BMX: variants seen among roughly 807,000 people sequenced by gnomAD.
BMX encodes the protein BMX non-receptor tyrosine kinase.
A neutral mutation model predicts 59.2 loss-of-function variants in BMX; 31 were observed. The ratio of observed to expected loss-of-function variants is 0.52; its 90% confidence interval spans 0.39 to 0.71. The LOEUF (loss-of-function observed/expected upper bound fraction) is 0.71. Ranked by LOEUF, BMX falls within the 30% of genes least tolerant of loss-of-function variation. BMX has a pLI of 0.00. For missense variants in BMX, 474 were observed against 491.7 expected (o/e 0.96, Z 0.34); for synonymous variants, 185 against 181.0 (o/e 1.02, Z -0.18).
Position 15,509,411 on chromosome X carries a change from T to C in BMX, c.221T>C (p.Val74Ala), listed in dbSNP as rs778275008. ...GTAAATCTCGAGGAGCAGACGCCTG[T>C]AGAGAGACAGTACCCATTTCAGGTA... ...EKVNLEEQTP[V>A]ERQYPFQIVY... The change falls in exon 3 of 19, where the codon GTA becomes GCA. Residue 74 changes from valine (V) to alanine (A), a missense_variant. By Grantham distance (64) the Val-to-Ala change is moderately conservative. Coordinates refer to ENST00000348343, the MANE Select transcript of BMX (RefSeq NM_203281.3). The C allele has an allele frequency of 1.7e-6, 2 of 1,202,689 alleles. No homozygotes were observed. The highest frequency in any genetic ancestry group is 1.1e-6 in the Non-Finnish European group (1 of 889,233).
chrX:15,536,205 A>G (rs1375007666), intron 12 of BMX, 148 bp from the exon 13 acceptor site: 3 of 489,500 alleles, frequency 6.1e-6, no homozygotes, highest in Non-Finnish European at 9.9e-6. Flanking sequence ...CACAACTACA[A>G]CTGAATGGAT....
At chrX:15,546,558 T>G (rs1925953886) in intron 16 of BMX, among the ~76,000 whole-genome samples, 1 of 112,354 alleles carries the variant, frequency 8.9e-6, no homozygotes, top group South Asian at 3.6e-4. Flanking sequence ...AATTTTATCT[T>G]TACTTTTTTG....
intron 16 of BMX, among the ~76,000 whole-genome samples, chrX:15,545,562 A>G (rs1239591440): frequency 9.0e-6 from 1 of 111,502 alleles, no homozygotes; most frequent in Non-Finnish European, 1.9e-5. Context: ...AAGGTCATAT[A>G]CCAGTTAAAC....
intron 6 of BMX, among the ~76,000 whole-genome samples, chrX:15,519,473 G>C (rs1292143963): frequency 9.0e-6 from 1 of 111,302 alleles, no homozygotes. Flanking sequence ...CGAAAGATGA[G>C]AGTGGGCCAT....
chrX:15,510,576 G>A (rs1251423878), intron 3 of BMX, among the ~76,000 whole-genome samples: 1 of 111,370 alleles, frequency 9.0e-6, no homozygotes, highest in East Asian at 2.8e-4. Flanking sequence ...GCATGCTCAT[G>A]GAAGATGCTG....
At chrX:15,539,771 A>G (rs1925563009) in intron 14 of BMX, among the ~76,000 whole-genome samples, 1 of 112,411 alleles carries the variant, frequency 8.9e-6, no homozygotes, top group African/African-American at 3.2e-5. Flanking sequence ...AGCTTGTAAA[A>G]ACTGAGTGTC....
chrX:15,534,491 C>T (rs908743179), intron 12 of BMX, 152 bp downstream of exon 12: 1 of 452,529 alleles, frequency 2.2e-6, no homozygotes, highest in Non-Finnish European at 3.3e-6. Flanking sequence ...TAATTTTTAG[C>T]TTACATTCCC....
rs770835025 is a variant in BMX at position 15,529,939 on chromosome X, T to C, written c.885-34T>C. The C allele has an allele frequency of 3.4e-6, 4 of 1,167,969 alleles. No homozygotes were observed. In the East Asian group the frequency reaches 1.2e-4, roughly 35 times the overall value. On this transcript the variant is annotated intron_variant, in intron 9 of 18. Transcript: ENST00000348343. The stretch of plus-strand genomic sequence containing the variant: ...GTCAAGCTATACAATCTAAAACTTA[T>C]TGATTCTCACATATAATTTTTTTCC...
rs1396292086 is a variant in BMX at position 15,556,186 on chromosome X, G to A, written c.*39G>A. 9.0e-7 allele frequency: 1 copy of A among 1,111,066 alleles called. No individual in the cohort carries two copies. 91.6% of individuals were successfully genotyped at this position (1,111,066 alleles called of 1,213,427 possible). ...AGTGCTGATAAGAATGAATATAGAT[G>A]CTGGCCAGCATTTTCATTCATTTTA... On this transcript the variant is annotated 3_prime_UTR_variant, in exon 19 of 19. Transcript: ENST00000348343.
chrX:15,548,269 C>T (rs1040794473), intron 17 of BMX, among the ~76,000 whole-genome samples: 2 of 110,299 alleles, frequency 1.8e-5, no homozygotes, highest in African/African-American at 6.6e-5. Flanking sequence ...CCAGCCCAGC[C>T]AACATGGCAA....
intron 1 of BMX, among the ~76,000 whole-genome samples, chrX:15,501,402 C>T (rs1014730630): frequency 1.8e-5 from 2 of 112,378 alleles, no homozygotes; most frequent in African/African-American, 3.2e-5. Context: ...AATATTTGCT[C>T]TTAGGTTCCT....
At chrX:15,507,971 G>T (rs1047973495) in intron 1 of BMX, among the ~76,000 whole-genome samples, 18 of 111,730 alleles carry the variant, frequency 1.6e-4, no homozygotes, top group Middle Eastern at 4.6e-3. Context: ...GCTGTCTGGA[G>T]TTAAATTTTC....
chrX:15,555,586 GCA>G (rs1209585308), intron 18 of BMX, among the ~76,000 whole-genome samples: 1 of 111,152 alleles, frequency 9.0e-6, no homozygotes, highest in Non-Finnish European at 1.9e-5. Flanking sequence ...TTTTAGAGGG[GCA>G]CACTTTTTTA....
At chrX:15,532,029 C>T (rs1002923121) in intron 11 of BMX, among the ~76,000 whole-genome samples, 5 of 112,154 alleles carry the variant, frequency 4.5e-5, no homozygotes, top group Admixed American at 9.4e-5. Context: ...CTCTGTGCCT[C>T]AACTTCTTCA....
intron 4 of BMX, 95 bp downstream of exon 4, chrX:15,511,613 T>A: frequency 1.5e-6 from 1 of 667,988 alleles, no homozygotes; most frequent in African/African-American, 2.2e-5. Context: ...GACATGGCAG[T>A]AAAAAGACTC....
In BMX at chrX:15,541,645, T is replaced by C. The variant is rs189529316; in HGVS notation, c.1395-337T>C. On this transcript the variant is annotated intron_variant, in intron 14 of 18. Coordinates refer to ENST00000348343, the MANE Select transcript of BMX (RefSeq NM_203281.3). ...GGTGTGGCTTCCTCTAAATAAGTCA[T>C]GGACGTTCCCAGGATGCCATGAGAC... 5.4e-5 allele frequency among the ~76,000 whole-genome samples: 6 copies of C among 111,618 alleles called. No homozygotes were observed. In the Admixed American group the frequency reaches 5.7e-4, roughly 11 times the overall value.
chrX:15,501,524 G>A (rs192448914), intron 1 of BMX, among the ~76,000 whole-genome samples: 1 of 112,003 alleles, frequency 8.9e-6, no homozygotes, highest in African/African-American at 3.3e-5. Context: ...AGATTTTGTG[G>A]GCCACAATGA....
chrX:15,547,043 T>C, intron 17 of BMX, 122 bp downstream of exon 17: 1 of 532,074 alleles, frequency 1.9e-6, no homozygotes, highest in Non-Finnish European at 3.0e-6. Flanking sequence ...GTTACACATA[T>C]AGCCTGAGAG....
chrX:15,533,501 T>C (rs1016042440), intron 11 of BMX, among the ~76,000 whole-genome samples: 1 of 112,126 alleles, frequency 8.9e-6, no homozygotes. Flanking sequence ...ATTAACTGTT[T>C]CTTATATGCC....
Sources: gnomAD v4.1 joint callset for allele counts (sites outside exome capture counted in the v4.1 genomes callset) on GRCh38, gnomAD v4.1.1 for gene constraint, MANE v1.5 for transcripts, NCBI Gene and HGNC (gene_info 2026-07-23, HGNC 2026-07-21) for gene names.